NTSR1: variants seen among roughly 807,000 people sequenced by gnomAD.
NTSR1 encodes neurotensin receptor type 1.
In NTSR1, 29 loss-of-function variants were observed where a neutral mutation model predicts 31.2. The ratio of observed to expected loss-of-function variants is 0.93; its 90% CI spans 0.69 to 1.27. The LOEUF (loss-of-function observed/expected upper bound fraction) is 1.27. Ranked by LOEUF, NTSR1 falls within the 50% of genes most tolerant of loss-of-function variation. The pLI is 0.00. For synonymous variants in NTSR1, 282 were observed against 269.9 expected, an observed-to-expected ratio of 1.04 and a Z score of -0.44; for missense variants, 697 against 595.4, an observed-to-expected ratio of 1.17 and a Z score of -1.78.
rs62198380 is a variant in NTSR1 at position 62,743,521 on chromosome 20, A to G, written c.715-11164A>G. On this transcript the variant is annotated intron_variant, in intron 1 of 3. Coordinates refer to ENST00000370501, the MANE Select transcript of NTSR1 (RefSeq NM_002531.3). This position sits in a 1 kb window ranked among gnomAD's most constrained non-coding sequence, Gnocchi z 7.5. The stretch of plus-strand genomic sequence containing the variant: ...GCTGGGGCTGGTCATCTGCTCAGGG[A>G]GAGGGCGATCCCCTGCCAGCCCAGC... 0.015 allele frequency among the ~76,000 whole-genome samples: 2,209 copies of G among 152,180 alleles called. 20 individuals are homozygous for G. The highest frequency in any genetic ancestry group is 0.024 in the Non-Finnish European group (1,644 of 68,000).
intron 2 of NTSR1, chr20:62,756,577 C>T (rs919724240): frequency 6.6e-6 from 1 of 152,234 alleles, no homozygotes; most frequent in Non-Finnish European, 1.5e-5. Flanking sequence ...CCTAAGAGAG[C>T]CTGGCTCTGG....
chr20:62,728,765 C>T (rs1218075879), intron 1 of NTSR1, among the ~76,000 whole-genome samples: 3 of 152,184 alleles, frequency 2.0e-5, no homozygotes, highest in African/African-American at 7.2e-5. Flanking sequence ...TGCCAAACGC[C>T]AGAGGCACGT....
rs1463805373 is a variant in NTSR1, at chr20:62,709,474, G to T, written c.267G>T (p.Ala89=). The change falls in exon 1 of 4, where the codon GCG becomes GCT. Residue 89 remains alanine (A), a synonymous_variant. Transcript: ENST00000370501. The part of the protein sequence containing the change: ...VGNTVTAFTL[A]RKKSLQSLQS... ...ACACGGTGACGGCGTTCACGCTGGCGCGGAAGAAGTCGCTGCAGAGCCTGC... is the reference window on the plus strand; with the variant it reads ...ACACGGTGACGGCGTTCACGCTGGCTCGGAAGAAGTCGCTGCAGAGCCTGC... 2 of 1,612,632 alleles carry T rather than the reference G, an allele frequency of 1.2e-6. No homozygotes were observed. The highest frequency in any genetic ancestry group is 8.5e-7 in the Non-Finnish European group (1 of 1,179,848).
Position 62,762,171 on chromosome 20 carries a change from AGG to A in NTSR1, c.*1905_*1906del. On this transcript the variant is annotated 3_prime_UTR_variant, in exon 4 of 4. Coordinates refer to ENST00000370501, the MANE Select transcript of NTSR1 (RefSeq NM_002531.3). ...GGCCCCTCAGGCTGGGCTCTGAACGAGGACCTGGACTCAGAGCCAGACAGGGC... is the reference window on the plus strand; with the variant it reads ...GGCCCCTCAGGCTGGGCTCTGAACGAACCTGGACTCAGAGCCAGACAGGGC... The A allele has an allele frequency of 6.6e-6, 1 of 152,268 alleles. No individual in the cohort carries two copies. Among genetic ancestry groups the A allele is most frequent in the East Asian group, 1.9e-4 (1 of 5,200 alleles). 9.4% of individuals were successfully genotyped at this position (152,268 alleles called of 1,614,324 possible). A position where few individuals can be genotyped will look rare whatever the true frequency, so the allele number is the denominator to read the frequency against.
intron 1 of NTSR1, among the ~76,000 whole-genome samples, chr20:62,739,060 C>T (rs1248401743): frequency 6.6e-6 from 1 of 151,722 alleles, no homozygotes; most frequent in Non-Finnish European, 1.5e-5. Context: ...AGCCTCCTCA[C>T]TGTTGTAAAG....
Position 62,760,484 on chromosome 20 carries a change from T to G in NTSR1, c.*217T>G. 2.4e-6 allele frequency: 1 copy of G among 422,272 alleles called. No individual in the cohort carries two copies. 26.2% of individuals were successfully genotyped at this position (422,272 alleles called of 1,614,324 possible). A position where few individuals can be genotyped will look rare whatever the true frequency, so the allele number is the denominator to read the frequency against. On this transcript the variant is annotated 3_prime_UTR_variant, in exon 4 of 4. Coordinates refer to ENST00000370501, the MANE Select transcript of NTSR1 (RefSeq NM_002531.3). ...CCAACTCCTCCCCACCCCTCCCCCA[T>G]CTCCTCTTTGAAAGCCAGAACAAGA...
rs766800935 is a variant in NTSR1, at chr20:62,733,910, A to G, written c.715-20775A>G. ...AGTGACTGATGAATGTATGATTGCT[A>G]CTTTATCTCAATAGAGGATTCGAAC... is the stretch of plus-strand genomic sequence containing the variant. On this transcript the variant is annotated intron_variant, in intron 1 of 3. Transcript: ENST00000370501. The surrounding 1 kb of genome is among the most constrained non-coding windows in gnomAD (Gnocchi z 5.2). Among the ~76,000 whole-genome samples, 1 of 152,150 alleles carries G rather than the reference A, an allele frequency of 6.6e-6. No individual in the cohort carries two copies. The highest frequency in any genetic ancestry group is 1.5e-5 in the Non-Finnish European group (1 of 68,024).
intron 1 of NTSR1, among the ~76,000 whole-genome samples, chr20:62,725,459 G>A (rs1194976549): frequency 1.3e-5 from 2 of 152,130 alleles, no homozygotes; most frequent in Non-Finnish European, 2.9e-5. Context: ...TGTCGGCCCC[G>A]TCTCCCCCCC....
At position 62,708,844 on chromosome 20, in the gene NTSR1, G is replaced by T. The variant is rs1021463353; in HGVS notation, c.-364G>T. ...GCGCTCCTCCCGGCGCCACAAGCTCGCCCCGCGCAGCCCGAGCCGGGCTGG... is the reference window on the plus strand; with the variant it reads ...GCGCTCCTCCCGGCGCCACAAGCTCTCCCCGCGCAGCCCGAGCCGGGCTGG... On this transcript the variant is annotated 5_prime_UTR_variant, in exon 1 of 4. Coordinates refer to ENST00000370501, the MANE Select transcript of NTSR1 (RefSeq NM_002531.3). This position sits in a 1 kb window ranked among gnomAD's most constrained non-coding sequence, Gnocchi z 5.9. 1.8e-5 allele frequency: 4 copies of T among 226,944 alleles called. No individual in the cohort carries two copies. The highest frequency in any genetic ancestry group is 6.8e-5 in the African/African-American group (3 of 43,976). 14.1% of individuals were successfully genotyped at this position (226,944 alleles called of 1,614,324 possible).
At chr20:62,751,259 C>A (rs1989389647) in intron 1 of NTSR1, among the ~76,000 whole-genome samples, 1 of 152,166 alleles carries the variant, frequency 6.6e-6, no homozygotes, top group Non-Finnish European at 1.5e-5. Context: ...AAATTTAAAA[C>A]TTCCATGATT....
chr20:62,753,911 G>C (rs971195269), intron 1 of NTSR1, among the ~76,000 whole-genome samples: 5 of 152,248 alleles, frequency 3.3e-5, no homozygotes, highest in Admixed American at 3.3e-4. Flanking sequence ...CCCTGCCAGT[G>C]CCTACAGAGT....
At chr20:62,755,088 C>T (rs1989462351) in intron 2 of NTSR1, among the ~76,000 whole-genome samples, 1 of 151,090 alleles carries the variant, frequency 6.6e-6, no homozygotes, top group South Asian at 2.1e-4. Context: ...ATCTATCCTT[C>T]CCTCCCTCCA....
chr20:62,716,538 T>G (rs1988724874), intron 1 of NTSR1, among the ~76,000 whole-genome samples: 2 of 152,182 alleles, frequency 1.3e-5, no homozygotes, highest in African/African-American at 4.8e-5. Context: ...TCTGTGTTGG[T>G]TGTGGTTCAA....
At position 62,761,028 on chromosome 20, in the gene NTSR1, C is replaced by T. The variant is rs1034385454; in HGVS notation, c.*761C>T. Reference sequence around the variant, plus strand: ...AAGGCCCAGGGGCTCTGCCAGGACACCACATGGGAGGGGGCTCAGGCCTCA... The same window carrying T: ...AAGGCCCAGGGGCTCTGCCAGGACATCACATGGGAGGGGGCTCAGGCCTCA... On this transcript the variant is annotated 3_prime_UTR_variant, in exon 4 of 4. Transcript: ENST00000370501. 1 of 152,434 alleles carries T rather than the reference C, an allele frequency of 6.6e-6. No individual in the cohort carries two copies. Among genetic ancestry groups the T allele is most frequent in the East Asian group, 1.9e-4 (1 of 5,188 alleles). 9.4% of individuals were successfully genotyped at this position (152,434 alleles called of 1,614,324 possible).
intron 1 of NTSR1, among the ~76,000 whole-genome samples, chr20:62,717,233 G>T (rs1018567272): frequency 1.3e-5 from 2 of 152,234 alleles, no homozygotes; most frequent in Non-Finnish European, 2.9e-5. Flanking sequence ...GAGGTGCCCA[G>T]CATGCTGACC....
At chr20:62,759,288 G>C (rs939501483) in intron 3 of NTSR1, among the ~76,000 whole-genome samples, 16 of 152,176 alleles carry the variant, frequency 1.1e-4, no homozygotes, top group Admixed American at 6.5e-5. Flanking sequence ...GATCACTGTG[G>C]GGGGAGGCAA....
chr20:62,710,703 A>G (rs1380718527), intron 1 of NTSR1, among the ~76,000 whole-genome samples: 3 of 152,116 alleles, frequency 2.0e-5, no homozygotes, highest in African/African-American at 7.2e-5. Flanking sequence ...CTTGGGAATC[A>G]GTTTGGCTGA....
Position 62,732,969 on chromosome 20 carries a change from G to A in NTSR1, c.715-21716G>A, listed in dbSNP as rs979747196. On this transcript the variant is annotated intron_variant, in intron 1 of 3. Transcript: ENST00000370501. This position sits in a 1 kb window ranked among gnomAD's most constrained non-coding sequence, Gnocchi z 4.0. ...CCAACGGCGCTGACGTCGCCTAAAG[G>A]GGGTTCCCAGCTGGCAGCCTCCAGG... is the stretch of plus-strand genomic sequence containing the variant. 2 of 152,016 alleles carry A rather than the reference G, an allele frequency of 1.3e-5. No homozygotes were observed. Among genetic ancestry groups the A allele is most frequent in the Admixed American group, 6.6e-5 (1 of 15,260 alleles). 9.4% of individuals were successfully genotyped at this position (152,016 alleles called of 1,614,324 possible). A position where few individuals can be genotyped will look rare whatever the true frequency, so the allele number is the denominator to read the frequency against.
chr20:62,709,091 C>T lies in NTSR1; in HGVS notation c.-117C>T. ...ACTGGACGGCGCGCCCGCTGGTCTT[C>T]GCCACGCGCCCTCCCCTGGGCTCCC... On this transcript the variant is annotated 5_prime_UTR_variant, in exon 1 of 4. Coordinates refer to ENST00000370501, the MANE Select transcript of NTSR1 (RefSeq NM_002531.3). 1 of 842,776 alleles carries T rather than the reference C, an allele frequency of 1.2e-6. No homozygotes were observed. Among genetic ancestry groups the T allele is most frequent in the Non-Finnish European group, 1.7e-6 (1 of 602,786 alleles). The allele number at this position is 842,776 out of a possible 1,614,324, so 52.2% of individuals were successfully genotyped here. A position where few individuals can be genotyped will look rare whatever the true frequency, so the allele number is the denominator to read the frequency against.
Sources: allele counts gnomAD v4.1 joint callset (sites outside exome capture counted in the v4.1 genomes callset), GRCh38; gene constraint gnomAD v4.1.1; non-coding constraint Gnocchi (gnomAD v3.1); transcripts MANE v1.5; gene names NCBI Gene and HGNC (gene_info 2026-07-23, HGNC 2026-07-21).